The following SHOC2 variants were observed in gnomAD, a reference collection of about 807,000 sequenced individuals.
The protein encoded by SHOC2 is SHOC2 leucine rich repeat scaffold protein.
A neutral mutation model predicts 50.2 loss-of-function variants in SHOC2; 4 were observed. The observed-to-expected ratio is 0.08, with a 90% CI of 0.04 to 0.18. The LOEUF is 0.18. Ranked by LOEUF, SHOC2 falls within the 10% of genes least tolerant of loss-of-function variation. The pLI is 1.00. For missense variants in SHOC2, 388 were observed against 669.6 expected (o/e 0.58, Z 4.64); for synonymous variants, 218 against 244.5 (o/e 0.89, Z 1.01).
intron 1 of SHOC2, among the ~76,000 whole-genome samples, chr10:110,955,543 T>TG (rs1361128745): frequency 6.6e-6 from 1 of 152,192 alleles, no homozygotes; most frequent in African/African-American, 2.4e-5. Context: ...TTGAGGTCTC[T>TG]GTATGCAGAG....
chr10:110,987,257 A>G (rs912793189), intron 3 of SHOC2, among the ~76,000 whole-genome samples: 5 of 152,002 alleles, frequency 3.3e-5, no homozygotes, highest in African/African-American at 4.8e-5. Flanking sequence ...GTTTTTATTT[A>G]TTTATTTTTT....
At chr10:110,945,793 A>G (rs909763093) in intron 1 of SHOC2, among the ~76,000 whole-genome samples, 5 of 152,146 alleles carry the variant, frequency 3.3e-5, no homozygotes, top group Admixed American at 6.5e-5. Flanking sequence ...CTCCTTAACC[A>G]TCAATCAAGC....
chr10:111,004,583 TG>T, intron 4 of SHOC2, 22 bp from the exon 5 acceptor site: 1 of 1,539,906 alleles, frequency 6.5e-7, no homozygotes, highest in Non-Finnish European at 9.0e-7. Flanking sequence ...CTAATTCTTA[TG>T]TTTATTTCAT....
chr10:110,944,827 C>T (rs1173697671), intron 1 of SHOC2, among the ~76,000 whole-genome samples: 1 of 152,220 alleles, frequency 6.6e-6, no homozygotes, highest in African/African-American at 2.4e-5. Context: ...GATTTCTTTA[C>T]ATGCCTGGAA....
chr10:110,976,020 C>T (rs908880816), intron 2 of SHOC2, among the ~76,000 whole-genome samples: 37 of 152,022 alleles, frequency 2.4e-4, no homozygotes, highest in Non-Finnish European at 4.3e-4. Context: ...AAGTGATTCT[C>T]CTGCTTCAGC....
At chr10:110,952,377 G>A (rs997768086) in intron 1 of SHOC2, among the ~76,000 whole-genome samples, 3 of 152,066 alleles carry the variant, frequency 2.0e-5, no homozygotes, top group African/African-American at 7.2e-5. Flanking sequence ...ATCACAGAAA[G>A]TGCATAGTTT....
chr10:111,009,999 G>A (rs1029846182), intron 8 of SHOC2, among the ~76,000 whole-genome samples, 169 bp downstream of exon 8: 1 of 151,910 alleles, frequency 6.6e-6, no homozygotes, highest in East Asian at 1.9e-4. Context: ...ATTGGTTTTG[G>A]TTAGGTTTCC....
chr10:110,990,086 CTT>C (rs1388194651), intron 3 of SHOC2, among the ~76,000 whole-genome samples: 1 of 152,240 alleles, frequency 6.6e-6, no homozygotes, highest in African/African-American at 2.4e-5. Flanking sequence ...CAAAAAATGA[CTT>C]TATAAGATCC....
intron 2 of SHOC2, among the ~76,000 whole-genome samples, chr10:110,967,732 C>G (rs533576609): frequency 6.6e-6 from 1 of 152,218 alleles, no homozygotes; most frequent in Admixed American, 6.5e-5. Context: ...TATGTGGTCT[C>G]TTACGACAGG....
chr10:110,976,442 G>A (rs535612859), intron 2 of SHOC2, among the ~76,000 whole-genome samples: 13 of 151,296 alleles, frequency 8.6e-5, no homozygotes, highest in African/African-American at 1.5e-4. Flanking sequence ...CTCCCGAGTC[G>A]CTGGGACTAC....
intron 2 of SHOC2, among the ~76,000 whole-genome samples, chr10:110,978,336 T>G (rs1847913255): frequency 6.6e-6 from 1 of 152,220 alleles, no homozygotes; most frequent in Admixed American, 6.5e-5. Flanking sequence ...CTGTAACTCC[T>G]GTGGATTCCA....
intron 8 of SHOC2, among the ~76,000 whole-genome samples, chr10:111,011,281 C>G (rs2134182584): frequency 6.6e-6 from 1 of 152,146 alleles, no homozygotes; most frequent in South Asian, 2.1e-4. Context: ...TATATATGTG[C>G]CAAACTATCC....
At chr10:110,992,337 AT>A (rs944327819) in intron 3 of SHOC2, among the ~76,000 whole-genome samples, 29 of 152,150 alleles carry the variant, frequency 1.9e-4, no homozygotes, top group African/African-American at 7.0e-4. Flanking sequence ...GCCTTGTTGA[AT>A]AAAAAAAGTA....
intron 1 of SHOC2, among the ~76,000 whole-genome samples, chr10:110,926,061 C>G (rs1000320295): frequency 6.6e-6 from 1 of 152,190 alleles, no homozygotes; most frequent in Non-Finnish European, 1.5e-5. Flanking sequence ...TAGCTAAACT[C>G]TAATCACCCT....
intron 7 of SHOC2, 61 bp from the exon 8 acceptor site, chr10:111,009,652 C>A: frequency 2.9e-6 from 3 of 1,029,340 alleles, no homozygotes; most frequent in South Asian, 1.3e-5. Flanking sequence ...ATATTATTTT[C>A]AGTTTACATT....
Position 110,964,947 on chromosome 10 carries a change from C to A in SHOC2, c.589C>A (p.Leu197Ile). The change falls in exon 2 of 9, where the codon CTT (leucine) becomes ATT (isoleucine). Residue 197 changes from leucine to isoleucine, a missense_variant. Physicochemically the swap from Leu to Ile is conservative, Grantham distance 5. Transcript: ENST00000369452. This position sits in a 1 kb window ranked among gnomAD's most constrained non-coding sequence, Gnocchi z 4.9. ...VVYRLDSLTT[L>I]YLRFNRITTV... ...GTATAGGCTGGATTCTCTCACCACT[C>A]TTTACCTTCGCTTTAATCGTATAAC... The A allele has an allele frequency of 6.2e-7, 1 of 1,613,696 alleles. No homozygotes were observed. The highest frequency in any genetic ancestry group is 1.1e-5 in the South Asian group (1 of 91,078).
chr10:111,010,428 G>A (rs1848545666), intron 8 of SHOC2, among the ~76,000 whole-genome samples: 2 of 152,138 alleles, frequency 1.3e-5, no homozygotes, highest in Middle Eastern at 3.4e-3. Context: ...TGTCCCACAG[G>A]AACTATAGGT....
chr10:111,012,225 A>T lies in SHOC2; in HGVS notation c.*407A>T, dbSNP rs1204745760. ...TTACCAATTGTTTTATCCTTATAGT[A>T]TTGTAGGCCCTGAAAGTAGAATTTT... On this transcript the variant is annotated 3_prime_UTR_variant, in exon 9 of 9. Transcript: ENST00000369452. 1 of 178,634 alleles carries T rather than the reference A, an allele frequency of 5.6e-6. No individual in the cohort carries two copies. The highest frequency in any genetic ancestry group is 5.6e-5 in the Admixed American group (1 of 17,840). The allele number at this position is 178,634 out of a possible 1,614,324, so 11.1% of individuals were successfully genotyped here.
At chr10:110,938,802 A>G (rs746317715) in intron 1 of SHOC2, among the ~76,000 whole-genome samples, 3 of 152,252 alleles carry the variant, frequency 2.0e-5, no homozygotes, top group Non-Finnish European at 2.9e-5. Flanking sequence ...TTTTCAGATC[A>G]GTGTGTTGTT....
Sources: allele counts gnomAD v4.1 joint callset (sites outside exome capture counted in the v4.1 genomes callset), GRCh38; gene constraint gnomAD v4.1.1; non-coding constraint Gnocchi (gnomAD v3.1); transcripts MANE v1.5; gene names NCBI Gene and HGNC (gene_info 2026-07-23, HGNC 2026-07-21).